The following IPO11 variants were observed in gnomAD, a reference collection of about 807,000 sequenced individuals.
The protein encoded by IPO11 is importin 11, also known as importin-11.
Under a neutral mutation model 143.2 loss-of-function variants are expected in IPO11, and 66 were observed. That is an observed-to-expected ratio of 0.46 (90% CI 0.38 to 0.57). IPO11 has a LOEUF of 0.57. Among genes scored for constraint, IPO11 ranks in the 20% least tolerant of loss-of-function variants. The probability of loss-of-function intolerance (pLI) is 0.00; values close to 1 mark genes in which losing one functional copy is unlikely to be tolerated. For missense variants in IPO11, 1,026 were observed against 1,141.0 expected (o/e 0.90, Z 1.45); for synonymous variants, 385 against 377.8 (o/e 1.02, Z -0.22).
rs201339228 is a variant in IPO11, at chr5:62,506,329, C to T, written c.1754C>T (p.Ser585Phe). The T allele has an allele frequency of 3.1e-6, 5 of 1,606,668 alleles. No individual in the cohort carries two copies. Among genetic ancestry groups the T allele is most frequent in the African/African-American group, 1.3e-5 (1 of 74,798 alleles). ...AAGATGCATGTTTTGCATGTCCTTT[C>T]TTGTGTGATCGAAAGAGTCAACATG... ...DTKMHVLHVL[S>F]CVIERVNMQI... The change falls in exon 19 of 30, where the codon TCT becomes TTT. Residue 585 changes from serine to phenylalanine, a missense_variant. Physicochemically the swap from Ser to Phe is radical, Grantham distance 155 (BLOSUM62 -2). Around this residue, in one of 5 missense-constraint regions of IPO11, gnomAD observed 237 missense variants for 288.0 expected, o/e 0.82. Coordinates refer to ENST00000325324, the MANE Select transcript of IPO11 (RefSeq NM_016338.5).
chr5:62,470,816 C>CCTTTT (rs1745742053), intron 7 of IPO11, among the ~76,000 whole-genome samples: 3 of 62,536 alleles, frequency 4.8e-5, no homozygotes, highest in African/African-American at 2.0e-4. Context: ...TAGCCATCTT[C>CCTTTT]TTTTTTTTTT....
At chr5:62,419,172 T>C (rs1743407619) in intron 1 of IPO11, 1 of 1,536,392 alleles carries the variant, frequency 6.5e-7, no homozygotes, top group East Asian at 2.5e-5. Context: ...AGAAAGGTAC[T>C]GTAAAAATAC....
chr5:62,587,906 T>A (rs921839048), intron 27 of IPO11, among the ~76,000 whole-genome samples: 1 of 152,204 alleles, frequency 6.6e-6, no homozygotes, highest in South Asian at 2.1e-4. Flanking sequence ...GACCACAGTT[T>A]CAGCCACTTT....
At chr5:62,445,243 AT>A (rs1744677709) in intron 3 of IPO11, among the ~76,000 whole-genome samples, 1 of 152,126 alleles carries the variant, frequency 6.6e-6, no homozygotes, top group Non-Finnish European at 1.5e-5. Flanking sequence ...TTTTCACAGA[AT>A]GAGAATTAAC....
intron 24 of IPO11, among the ~76,000 whole-genome samples, chr5:62,543,061 G>A (rs923940605): frequency 2.0e-5 from 3 of 151,610 alleles, no homozygotes; most frequent in Admixed American, 6.6e-5. Flanking sequence ...TCTTACAGAT[G>A]AGAAATTAAA....
At chr5:62,534,719 A>G (rs148269882) in intron 22 of IPO11, among the ~76,000 whole-genome samples, 188 of 152,242 alleles carry the variant, frequency 1.2e-3, no homozygotes, top group Admixed American at 0.012. Context: ...GCATTGAAGG[A>G]TGTTTAAAAG....
At chr5:62,552,889 A>G (rs925980044) in intron 26 of IPO11, among the ~76,000 whole-genome samples, 11 of 152,226 alleles carry the variant, frequency 7.2e-5, no homozygotes, top group Non-Finnish European at 1.3e-4. Context: ...CTATACATAC[A>G]GCATATAGTG....
In IPO11 at chr5:62,564,912, C is replaced by T. The variant is rs866620760; in HGVS notation, c.2582+3655C>T. Among the ~76,000 whole-genome samples the T allele has an allele frequency of 8.5e-5, 13 of 152,290 alleles. 1 individual carries two copies. The highest frequency in any genetic ancestry group is 3.4e-3 in the Middle Eastern group (1 of 294). Reference sequence around the variant, plus strand: ...TCAGTCACTTGCTAATGACCATGGTCAAGTTACTTAACTCCCATGTGCCTG... The same window carrying T: ...TCAGTCACTTGCTAATGACCATGGTTAAGTTACTTAACTCCCATGTGCCTG... On this transcript the variant is annotated intron_variant, in intron 27 of 29. Coordinates refer to ENST00000325324, the MANE Select transcript of IPO11 (RefSeq NM_016338.5).
chr5:62,557,688 C>T (rs1743624930), intron 26 of IPO11, among the ~76,000 whole-genome samples: 1 of 152,110 alleles, frequency 6.6e-6, no homozygotes, highest in Non-Finnish European at 1.5e-5. Context: ...TTTTTATATC[C>T]ACACTTCATT....
At chr5:62,614,709 C>CGTGT (rs151288424) in intron 29 of IPO11, among the ~76,000 whole-genome samples, 68 of 151,404 alleles carry the variant, frequency 4.5e-4, no homozygotes, top group Middle Eastern at 3.4e-3. Flanking sequence ...CCCAAGTGTG[C>CGTGT]GTGTGTGTGT....
chr5:62,482,145 A>G (rs1746236772), intron 9 of IPO11, among the ~76,000 whole-genome samples: 1 of 152,046 alleles, frequency 6.6e-6, no homozygotes, highest in South Asian at 2.1e-4. Context: ...ACTCCTTATC[A>G]TTTTTTATTG....
chr5:62,444,967 A>G (rs189884346), intron 3 of IPO11, among the ~76,000 whole-genome samples: 1 of 151,560 alleles, frequency 6.6e-6, no homozygotes, highest in Non-Finnish European at 1.5e-5. Context: ...TAAATTATTA[A>G]ATATTTCATG....
rs70981015 is a variant in IPO11, at chr5:62,470,816, C to CTTTTTTTTTTTTTTTTT, written c.708+521_708+537dup. Among the ~76,000 whole-genome samples, 86 of 62,560 alleles carry CTTTTTTTTTTTTTTTTT rather than the reference C, an allele frequency of 1.4e-3. 17 individuals are homozygous for CTTTTTTTTTTTTTTTTT. The highest frequency in any genetic ancestry group is 2.8e-3 in the East Asian group (4 of 1,418). The allele number at this position is 62,560 out of a possible 152,430, so 41.0% of individuals were successfully genotyped here. A position where few individuals can be genotyped will look rare whatever the true frequency, so the allele number is the denominator to read the frequency against. Reference sequence around the variant, plus strand: ...TTCATTGTCTGTAGATAGCCATCTTCTTTTTTTTTTTTTTTTTTTTTTTTT... The same window carrying CTTTTTTTTTTTTTTTTT: ...TTCATTGTCTGTAGATAGCCATCTTCTTTTTTTTTTTTTTTTTTTTTTTTTTTTTTTTTTTTTTTTTT... On this transcript the variant is annotated intron_variant, in intron 7 of 29. Transcript: ENST00000325324.
intron 29 of IPO11, among the ~76,000 whole-genome samples, chr5:62,625,343 C>A (rs562257147): frequency 2.0e-5 from 3 of 152,326 alleles, no homozygotes; most frequent in African/African-American, 7.2e-5. Flanking sequence ...ACTGCTGATA[C>A]ACACTTCAAC....
At chr5:62,583,113 TA>T (rs1744630207) in intron 27 of IPO11, among the ~76,000 whole-genome samples, 1 of 152,212 alleles carries the variant, frequency 6.6e-6, no homozygotes, top group Non-Finnish European at 1.5e-5. Context: ...TTTGTTTTGT[TA>T]TGGAAGAGCA....
At chr5:62,619,046 C>T (rs1475069161) in intron 29 of IPO11, among the ~76,000 whole-genome samples, 2 of 152,038 alleles carry the variant, frequency 1.3e-5, no homozygotes, top group Non-Finnish European at 2.9e-5. Context: ...GCCTGGCCAA[C>T]ATGGTGAAAC....
intron 29 of IPO11, among the ~76,000 whole-genome samples, chr5:62,616,012 T>G (rs906142268): frequency 2.0e-5 from 3 of 150,228 alleles, no homozygotes; most frequent in African/African-American, 7.4e-5. Context: ...GATAGGAACA[T>G]TTGTCATGAC....
In IPO11 at chr5:62,544,700, C is replaced by G. The variant is rs1477031563; in HGVS notation, c.2251-5667C>G. Among the ~76,000 whole-genome samples the G allele has an allele frequency of 2.0e-5, 3 of 152,228 alleles. No individual in the cohort carries two copies. The East Asian group carries it at 5.8e-4, about 29-fold the overall frequency. ...ATGACATGATTGTATATTTAGAAAA[C>G]CCCATCATCTCAGCCCAAAATCTCC... On this transcript the variant is annotated intron_variant, in intron 24 of 29. Transcript: ENST00000325324.
intron 13 of IPO11, among the ~76,000 whole-genome samples, chr5:62,488,448 G>A (rs761364573): frequency 3.9e-5 from 6 of 152,298 alleles, no homozygotes; most frequent in Admixed American, 2.6e-4. Context: ...TTTAGCAACC[G>A]ATTGAATGTG....
Sources: allele counts gnomAD v4.1 joint callset (sites outside exome capture counted in the v4.1 genomes callset), GRCh38; gene constraint gnomAD v4.1.1; regional missense constraint gnomAD v4.1.1; transcripts MANE v1.5; gene names NCBI Gene and HGNC (gene_info 2026-07-23, HGNC 2026-07-21).